Variants in C10orf90 observed in about 807,000 individuals in gnomAD.
C10orf90 encodes (E2-independent) E3 ubiquitin-conjugating enzyme FATS.
In C10orf90, 56 loss-of-function variants were observed where a neutral mutation model predicts 62.5. That is an observed-to-expected ratio of 0.90 (90% confidence interval 0.72 to 1.12). The LOEUF is 1.12. Among genes scored for constraint, C10orf90 ranks in the 50% most tolerant of loss-of-function variants. The pLI, the probability that C10orf90 is intolerant of heterozygous loss-of-function variation, is 0.00. For missense variants in C10orf90, 970 were observed against 880.4 expected (o/e 1.10, Z -1.29); for synonymous variants, 386 against 340.4 (o/e 1.13, Z -1.47).
intron 2 of C10orf90, among the ~76,000 whole-genome samples, chr10:126,518,914 G>A (rs539169940): frequency 2.4e-4 from 37 of 152,286 alleles, no homozygotes; most frequent in African/African-American, 6.7e-4. Flanking sequence ...GGCGGTGTGT[G>A]TTTCAGCAAC....
intron 4 of C10orf90, among the ~76,000 whole-genome samples, chr10:126,475,180 C>T (rs1860793058): frequency 2.0e-5 from 3 of 152,046 alleles, no homozygotes; most frequent in South Asian, 2.1e-4. Context: ...GTCAAAGGGA[C>T]GTGGAGAGAA....
At chr10:126,604,985 G>T (rs1003681737) in intron 2 of C10orf90, among the ~76,000 whole-genome samples, 41 of 152,234 alleles carry the variant, frequency 2.7e-4, no homozygotes, top group Middle Eastern at 3.4e-3. Context: ...GCTCAGAAAA[G>T]AAAAGCCAAA....
chr10:126,481,101 T>G (rs1269018869), intron 4 of C10orf90, among the ~76,000 whole-genome samples: 1 of 152,210 alleles, frequency 6.6e-6, no homozygotes, highest in Non-Finnish European at 1.5e-5. Context: ...CAGCTGTTCC[T>G]TTGTCCTCTC....
At chr10:126,498,978 C>T (rs1862233381) in intron 4 of C10orf90, among the ~76,000 whole-genome samples, 1 of 152,158 alleles carries the variant, frequency 6.6e-6, no homozygotes, top group Non-Finnish European at 1.5e-5. Context: ...CTAGAGAATC[C>T]AACATGTAAT....
rs375147171 is a variant in C10orf90, at chr10:126,605,691, C to A, written c.313+40874G>T. Reference sequence around the variant, plus strand: ...AAGATAACTGCACTGAGAGATGGAGCCTGCCAGGCTGCCTGCCAGGTGTGG... The same window carrying A: ...AAGATAACTGCACTGAGAGATGGAGACTGCCAGGCTGCCTGCCAGGTGTGG... On this transcript the variant is annotated intron_variant, in intron 2 of 9. Transcript: ENST00000488181. 5.3e-5 allele frequency among the ~76,000 whole-genome samples: 8 copies of A among 152,038 alleles called. No individual in the cohort carries two copies. The South Asian group carries it at 1.2e-3, about 24-fold the overall frequency.
chr10:126,584,102 A>C (rs1844808523), intron 2 of C10orf90, among the ~76,000 whole-genome samples: 3 of 152,106 alleles, frequency 2.0e-5, no homozygotes, highest in African/African-American at 7.2e-5. Flanking sequence ...CCTGGGTGAC[A>C]GAGTAAGACT....
At chr10:126,667,899 A>G (rs1233010352) in intron 1 of C10orf90, among the ~76,000 whole-genome samples, 1 of 152,106 alleles carries the variant, frequency 6.6e-6, no homozygotes, top group Non-Finnish European at 1.5e-5. Context: ...AAGTCTTTGA[A>G]AATATGAACC....
At chr10:126,477,168 C>T (rs1860933511) in intron 4 of C10orf90, among the ~76,000 whole-genome samples, 1 of 125,828 alleles carries the variant, frequency 7.9e-6, no homozygotes, top group Non-Finnish European at 1.6e-5. Context: ...TTTTTAAGTG[C>T]TCAGTGAATA....
chr10:126,560,311 CA>C (rs1864872760), intron 2 of C10orf90, among the ~76,000 whole-genome samples: 1 of 152,266 alleles, frequency 6.6e-6, no homozygotes, highest in African/African-American at 2.4e-5. Context: ...GGAGGAAAAC[CA>C]AATTAATTTT....
intron 1 of C10orf90, among the ~76,000 whole-genome samples, chr10:126,658,594 C>G (rs1846443277): frequency 6.6e-6 from 1 of 152,170 alleles, no homozygotes; most frequent in African/African-American, 2.4e-5. Flanking sequence ...TAAAGCTGAA[C>G]AGTAAAATTT....
intron 7 of C10orf90, among the ~76,000 whole-genome samples, chr10:126,439,740 A>G (rs929184630): frequency 6.6e-6 from 1 of 152,224 alleles, no homozygotes; most frequent in Non-Finnish European, 1.5e-5. Flanking sequence ...ATTCAAAGGC[A>G]GGTTATTTAA....
Position 126,610,996 on chromosome 10 carries a change from T to C in C10orf90, c.313+35569A>G, listed in dbSNP as rs75575038. On this transcript the variant is annotated intron_variant, in intron 2 of 9. Coordinates refer to ENST00000488181, the MANE Select transcript of C10orf90 (RefSeq NM_001350921.2). ...TAATAGTTTGATTGAGATGTACTTGTTATGCAACACAATTCACCCATTTGA... is the reference window on the plus strand; with the variant it reads ...TAATAGTTTGATTGAGATGTACTTGCTATGCAACACAATTCACCCATTTGA... 3.1e-4 allele frequency among the ~76,000 whole-genome samples: 47 copies of C among 152,330 alleles called. No individual in the cohort carries two copies. In the East Asian group the frequency reaches 8.7e-3, roughly 28 times the overall value.
rs796136161 is a variant in C10orf90 at position 126,649,026 on chromosome 10, CTGTCTCTG to C, written c.241-2397_241-2390del. ...TCACAGATGATATCTCTCTCTCTCT[CTGTCTCTG>C]TCTCTCTCTCTCTCTCTCTCTCTCT... On this transcript the variant is annotated intron_variant, in intron 1 of 9. Coordinates refer to ENST00000488181, the MANE Select transcript of C10orf90 (RefSeq NM_001350921.2). 2.0e-3 allele frequency among the ~76,000 whole-genome samples: 134 copies of C among 66,354 alleles called. 1 individual carries two copies. The highest frequency in any genetic ancestry group is 5.1e-3 in the African/African-American group (89 of 17,382). The allele number at this position is 66,354 out of a possible 152,430, so 43.5% of individuals were successfully genotyped here. A position where few individuals can be genotyped will look rare whatever the true frequency, so the allele number is the denominator to read the frequency against.
intron 4 of C10orf90, among the ~76,000 whole-genome samples, chr10:126,475,598 A>C (rs980564172): frequency 6.6e-6 from 1 of 152,106 alleles, no homozygotes; most frequent in African/African-American, 2.4e-5. Flanking sequence ...AAAAATGAGT[A>C]GCAAATGGGC....
chr10:126,627,000 C>CTTTTTTTTTTTTTT (rs61226052), intron 2 of C10orf90, among the ~76,000 whole-genome samples: 94 of 119,472 alleles, frequency 7.9e-4, no homozygotes, highest in Non-Finnish European at 8.2e-4. Context: ...TTTTTCTTTT[C>CTTTTTTTTTTTTTT]TTTTTTTTTT....
At chr10:126,641,680 A>G (rs1295296352) in intron 2 of C10orf90, among the ~76,000 whole-genome samples, 2 of 152,092 alleles carry the variant, frequency 1.3e-5, no homozygotes, top group Non-Finnish European at 2.9e-5. Flanking sequence ...GAAATGTTAC[A>G]AAATCTTTTT....
chr10:126,647,976 A>G (rs1445918246), intron 1 of C10orf90, among the ~76,000 whole-genome samples: 1 of 152,126 alleles, frequency 6.6e-6, no homozygotes, highest in Non-Finnish European at 1.5e-5. Context: ...ACTAAGTGCT[A>G]TGGTCTAAAT....
intron 4 of C10orf90, 38 bp from the exon 5 acceptor site, chr10:126,465,024 T>G: frequency 6.3e-7 from 1 of 1,582,396 alleles, no homozygotes; most frequent in Non-Finnish European, 8.6e-7. Flanking sequence ...AAATCTCTTA[T>G]GAATCCAATC....
chr10:126,507,978 G>A (rs1031201693), intron 3 of C10orf90, among the ~76,000 whole-genome samples: 9 of 151,240 alleles, frequency 6.0e-5, no homozygotes, highest in Non-Finnish European at 2.9e-5. Context: ...TTGTTCTTGT[G>A]TACCCCACGA....
Sources: allele counts gnomAD v4.1 joint callset (sites outside exome capture counted in the v4.1 genomes callset), GRCh38; gene constraint gnomAD v4.1.1; transcripts MANE v1.5; gene names NCBI Gene and HGNC (gene_info 2026-07-23, HGNC 2026-07-21).